The following MFHAS1 variants were observed in gnomAD, a reference collection of about 807,000 sequenced individuals.
MFHAS1 encodes the protein multifunctional ROCO family signaling regulator 1.
In MFHAS1, 50 loss-of-function variants were observed where a neutral mutation model predicts 70.4. The ratio of observed to expected loss-of-function variants is 0.71; its 90% CI spans 0.57 to 0.90. MFHAS1 has a LOEUF of 0.90. Ranked by LOEUF, MFHAS1 falls within the 40% of genes least tolerant of loss-of-function variation. MFHAS1 has a pLI of 0.00. For synonymous variants in MFHAS1, 952 were observed against 620.0 expected (o/e 1.54, Z -7.96); for missense variants, 1,795 against 1,347.6 (o/e 1.33, Z -5.20).
rs1463619080 is a variant in MFHAS1, at chr8:8,890,112, G to GA, written c.2946dup (p.Leu983SerfsTer4). ...CCTCTCTTAAGGCACTTAGAACAGA[G>GA]AATGTGCACGGTGTAGTGCAGTCCA... is the stretch of plus-strand genomic sequence containing the variant. On this transcript the variant is annotated frameshift_variant, in exon 1 of 3. Transcript: ENST00000276282. LOFTEE classifies it high-confidence loss of function. The GA allele has an allele frequency of 6.2e-7, 1 of 1,613,854 alleles. No homozygotes were observed. Among genetic ancestry groups the GA allele is most frequent in the Admixed American group, 1.7e-5 (1 of 59,986 alleles).
intron 1 of MFHAS1, among the ~76,000 whole-genome samples, chr8:8,863,853 T>C (rs1585058826): frequency 6.6e-6 from 1 of 152,178 alleles, no homozygotes; most frequent in South Asian, 2.1e-4. Flanking sequence ...TTTATCTGAA[T>C]TCCTTTCTCA....
chr8:8,817,008 G>A (rs1009265757), intron 1 of MFHAS1, among the ~76,000 whole-genome samples: 2 of 152,138 alleles, frequency 1.3e-5, no homozygotes, highest in African/African-American at 2.4e-5. Flanking sequence ...AGTGAGACAC[G>A]AGCTTTAGTT....
At chr8:8,885,073 T>C (rs962705133) in intron 1 of MFHAS1, among the ~76,000 whole-genome samples, 1 of 151,818 alleles carries the variant, frequency 6.6e-6, no homozygotes, top group African/African-American at 2.4e-5. Flanking sequence ...AAGCAGCAAG[T>C]GAACAACCTA....
intron 1 of MFHAS1, among the ~76,000 whole-genome samples, chr8:8,819,103 G>A (rs1207082105): frequency 1.6e-5 from 2 of 125,826 alleles, no homozygotes; most frequent in Non-Finnish European, 3.5e-5. Context: ...AATATCACGT[G>A]GCCAGTAAAA....
At chr8:8,794,589 A>G (rs1805830605) in intron 2 of MFHAS1, among the ~76,000 whole-genome samples, 1 of 152,216 alleles carries the variant, frequency 6.6e-6, no homozygotes, top group Non-Finnish European at 1.5e-5. Context: ...ACAAGAGATC[A>G]TTTACCCCTT....
chr8:8,841,926 G>A (rs1807842216), intron 1 of MFHAS1, among the ~76,000 whole-genome samples: 1 of 152,202 alleles, frequency 6.6e-6, no homozygotes. Flanking sequence ...AGGGATGTGT[G>A]TTCTGCATTA....
At chr8:8,869,357 T>G (rs1310469420) in intron 1 of MFHAS1, among the ~76,000 whole-genome samples, 1 of 152,084 alleles carries the variant, frequency 6.6e-6, no homozygotes, top group East Asian at 1.9e-4. Context: ...TGCACAACCA[T>G]AAAGAACTCC....
At position 8,873,442 on chromosome 8, in the gene MFHAS1, A is replaced by G. The variant is rs77270694; in HGVS notation, c.2998+16619T>C. 6.9e-3 allele frequency among the ~76,000 whole-genome samples: 1,056 copies of G among 151,960 alleles called. 17 individuals carry two copies. Among genetic ancestry groups the G allele is most frequent in the African/African-American group, 0.025 (1,018 of 41,478 alleles). ...ATACGTCATTAAGTATGTTTTAAAC[A>G]CAGAAGCAACTATAACAGGATTTAA... is the stretch of plus-strand genomic sequence containing the variant. On this transcript the variant is annotated intron_variant, in intron 1 of 2. Coordinates refer to ENST00000276282, the MANE Select transcript of MFHAS1 (RefSeq NM_004225.3).
At chr8:8,832,630 T>TC (rs1367649713) in intron 1 of MFHAS1, among the ~76,000 whole-genome samples, 4 of 145,442 alleles carry the variant, frequency 2.8e-5, no homozygotes, top group Admixed American at 1.4e-4. Context: ...TTTTTTTCTT[T>TC]TTTTTTTTTT....
chr8:8,868,786 C>T (rs1808958591), intron 1 of MFHAS1, among the ~76,000 whole-genome samples: 2 of 152,136 alleles, frequency 1.3e-5, no homozygotes, highest in African/African-American at 2.4e-5. Context: ...CAACTGGCTT[C>T]CACCCATAGT....
chr8:8,805,558 T>C (rs1806257152), intron 1 of MFHAS1, among the ~76,000 whole-genome samples: 1 of 152,130 alleles, frequency 6.6e-6, no homozygotes, highest in South Asian at 2.1e-4. Context: ...GAGGAGGGGT[T>C]GGTCTGGTTG....
At chr8:8,833,391 G>C (rs1187229647) in intron 1 of MFHAS1, among the ~76,000 whole-genome samples, 2 of 152,156 alleles carry the variant, frequency 1.3e-5, no homozygotes, top group East Asian at 3.9e-4. Flanking sequence ...CATATGGAGA[G>C]GCGGAAGTGG....
At chr8:8,826,501 G>A (rs190038880) in intron 1 of MFHAS1, among the ~76,000 whole-genome samples, 46 of 152,314 alleles carry the variant, frequency 3.0e-4, no homozygotes, top group African/African-American at 1.1e-3. Context: ...GAGAGACCCA[G>A]GAGGGTAGAT....
intron 1 of MFHAS1, among the ~76,000 whole-genome samples, chr8:8,884,440 A>G (rs1156292561): frequency 1.3e-5 from 2 of 152,252 alleles, no homozygotes; most frequent in Non-Finnish European, 2.9e-5. Context: ...CAACTAGGTC[A>G]TGCTCAAATT....
In MFHAS1 at chr8:8,893,115, G is replaced by T; in HGVS notation, c.-57C>A. ...ACGCGGGAGCCCGCAGCTACATGCCGCGCCGCGCCCCGGGCCCTCCGGCTC... is the reference window on the plus strand; with the variant it reads ...ACGCGGGAGCCCGCAGCTACATGCCTCGCCGCGCCCCGGGCCCTCCGGCTC... On this transcript the variant is annotated 5_prime_UTR_variant, in exon 1 of 3. Coordinates refer to ENST00000276282, the MANE Select transcript of MFHAS1 (RefSeq NM_004225.3). 1 of 1,273,478 alleles carries T rather than the reference G, an allele frequency of 7.9e-7. No individual in the cohort carries two copies. Among genetic ancestry groups the T allele is most frequent in the African/African-American group, 1.6e-5 (1 of 63,346 alleles). The allele number at this position is 1,273,478 out of a possible 1,614,324, so 78.9% of individuals were successfully genotyped here. A position where few individuals can be genotyped will look rare whatever the true frequency, so the allele number is the denominator to read the frequency against.
intron 1 of MFHAS1, among the ~76,000 whole-genome samples, chr8:8,858,356 T>C (rs1174428099): frequency 6.6e-6 from 1 of 152,040 alleles, no homozygotes; most frequent in Non-Finnish European, 1.5e-5. Context: ...TCTAAATATA[T>C]AACATTATTA....
intron 1 of MFHAS1, among the ~76,000 whole-genome samples, chr8:8,865,276 CAAAAAAAAA>C (rs35910015): frequency 7.7e-5 from 5 of 64,706 alleles, no homozygotes; most frequent in Non-Finnish European, 1.4e-4. Context: ...GACTCCATCT[CAAAAAAAAA>C]AAAAAAAAAA....
At chr8:8,855,847 C>G (rs1038497093) in intron 1 of MFHAS1, among the ~76,000 whole-genome samples, 1 of 152,058 alleles carries the variant, frequency 6.6e-6, no homozygotes, top group Non-Finnish European at 1.5e-5. Flanking sequence ...CAGAGTGAGA[C>G]GCCGTCTCAA....
At chr8:8,840,841 T>C (rs895537150) in intron 1 of MFHAS1, among the ~76,000 whole-genome samples, 30 of 152,314 alleles carry the variant, frequency 2.0e-4, no homozygotes, top group African/African-American at 5.3e-4. Flanking sequence ...AAAGATGGTG[T>C]AGAAGGTACC....
Sources: allele counts gnomAD v4.1 joint callset (sites outside exome capture counted in the v4.1 genomes callset), GRCh38; gene constraint gnomAD v4.1.1; transcripts MANE v1.5; gene names NCBI Gene and HGNC (gene_info 2026-07-23, HGNC 2026-07-21).